Variants in ADGRB1 observed in about 807,000 individuals in gnomAD.
ADGRB1 encodes the protein adhesion G protein-coupled receptor B1, also known as brain-specific angiogenesis inhibitor 1.
In ADGRB1, 36 loss-of-function variants were observed where a neutral mutation model predicts 175.7. The ratio of observed to expected loss-of-function variants is 0.20; its 90% confidence interval spans 0.16 to 0.27. ADGRB1 has a LOEUF of 0.27. Among genes scored for constraint, ADGRB1 ranks in the 10% least tolerant of loss-of-function variants. The pLI is 1.00. For missense variants in ADGRB1, 1,731 were observed against 2,255.3 expected, an observed-to-expected ratio of 0.77 and a Z score of 4.71; for synonymous variants, 1,054 against 979.4, an observed-to-expected ratio of 1.08 and a Z score of -1.42.
At chr8:142,452,496 G>C (rs1839413057) in intron 1 of ADGRB1, among the ~76,000 whole-genome samples, 1 of 152,168 alleles carries the variant, frequency 6.6e-6, no homozygotes, top group Non-Finnish European at 1.5e-5. Context: ...CTCTCCCGCA[G>C]GCTCCGGCCC....
At chr8:142,462,625 G>C (rs918636373) in intron 1 of ADGRB1, among the ~76,000 whole-genome samples, 5 of 152,256 alleles carry the variant, frequency 3.3e-5, no homozygotes, top group Admixed American at 2.6e-4. Context: ...ACCTTGTCTT[G>C]CCAGCCAGCT....
At chr8:142,544,169 A>C in intron 30 of ADGRB1, 51 bp from the exon 31 acceptor site, 2 of 1,533,796 alleles carry the variant, frequency 1.3e-6, no homozygotes, top group Non-Finnish European at 8.8e-7. Context: ...CCTCGGGCTC[A>C]TGGCTCTCCC....
intron 2 of ADGRB1, among the ~76,000 whole-genome samples, chr8:142,473,356 T>G (rs1282335573): frequency 6.6e-6 from 1 of 152,172 alleles, no homozygotes; most frequent in Non-Finnish European, 1.5e-5. Flanking sequence ...GTGGGATGCC[T>G]TCAGCAGATG....
rs769664278 is a variant in ADGRB1, at chr8:142,478,284, C to T, written c.1485C>T (p.Asn495=). 8.1e-6 allele frequency: 13 copies of T among 1,610,624 alleles called. No homozygotes were observed. The highest frequency in any genetic ancestry group is 5.0e-5 in the Admixed American group (3 of 59,768). Residue 495 remains asparagine, a synonymous_variant, in exon 7 of 31, where the codon AAC becomes AAT. Coordinates refer to ENST00000517894, the MANE Select transcript of ADGRB1 (RefSeq NM_001702.3). ...QGRQQRTREC[N]GPSYGGAECQ... ...GACAGCAGCGCACGCGTGAATGCAA[C>T]GGGCCTTCCTACGGGGGTGCGGAGT...
intron 24 of ADGRB1, among the ~76,000 whole-genome samples, chr8:142,527,277 T>C (rs1844261935): frequency 6.6e-6 from 1 of 152,112 alleles, no homozygotes; most frequent in South Asian, 2.1e-4. Context: ...AAGCCCCTCT[T>C]GGTCCTCCCG....
intron 17 of ADGRB1, among the ~76,000 whole-genome samples, chr8:142,501,101 G>A (rs932185018): frequency 1.3e-5 from 2 of 152,364 alleles, no homozygotes; most frequent in South Asian, 2.1e-4. Flanking sequence ...TGGTTCTGAT[G>A]AGGCGATGGC....
At chr8:142,491,414 G>C (rs1482104479) in intron 17 of ADGRB1, among the ~76,000 whole-genome samples, 4 of 152,226 alleles carry the variant, frequency 2.6e-5, no homozygotes, top group Admixed American at 6.5e-5. Flanking sequence ...GCCATCTCGG[G>C]GCCCTGGTGG....
Position 142,489,404 on chromosome 8 carries a change from C to T in ADGRB1, c.2597C>T (p.Thr866Ile). The change falls in exon 16 of 31, where the codon ACA becomes ATA. Residue 866 changes from threonine (T) to isoleucine (I), a missense_variant. Physicochemically the swap from Thr to Ile is moderately conservative, Grantham distance 89. Around this residue, in one of 8 missense-constraint regions of ADGRB1, gnomAD observed 388 missense variants for 630.9 expected, o/e 0.61. Coordinates refer to ENST00000517894, the MANE Select transcript of ADGRB1 (RefSeq NM_001702.3). ...AAACCCCCGCCTCGCTCCCTGCGCACACCCTTGGAGATCGAGTTTGCCCAC... is the reference window on the plus strand; with the variant it reads ...AAACCCCCGCCTCGCTCCCTGCGCATACCCTTGGAGATCGAGTTTGCCCAC... Reference protein sequence around the residue: ...TVKPPPRSLRTPLEIEFAHMY... With the variant: ...TVKPPPRSLRIPLEIEFAHMY... 1.9e-6 allele frequency: 3 copies of T among 1,613,010 alleles called. No individual in the cohort carries two copies. The highest frequency in any genetic ancestry group is 2.5e-6 in the Non-Finnish European group (3 of 1,179,858).
At position 142,493,046 on chromosome 8, in the gene ADGRB1, G is replaced by A. The variant is rs1055412723; in HGVS notation, c.2675+2231G>A. 6.6e-6 allele frequency among the ~76,000 whole-genome samples: 1 copy of A among 152,080 alleles called. No homozygotes were observed. The highest frequency in any genetic ancestry group is 2.0e-4 in the East Asian group (1 of 5,094). ...AAATGCCAGCGTGACCAGCGATCTT[G>A]CGAGGACAGCTTCACCCGTACTTCT... On this transcript the variant is annotated intron_variant, in intron 17 of 30. Transcript: ENST00000517894. This position sits in a 1 kb window ranked among gnomAD's most constrained non-coding sequence, Gnocchi z 5.0.
At chr8:142,533,632 G>A (rs1214127192) in intron 25 of ADGRB1, among the ~76,000 whole-genome samples, 166 bp downstream of exon 25, 1 of 152,120 alleles carries the variant, frequency 6.6e-6, no homozygotes, top group Non-Finnish European at 1.5e-5. Context: ...GGGCCTGCAG[G>A]TGAGCGTGTC....
intron 1 of ADGRB1, among the ~76,000 whole-genome samples, chr8:142,450,490 C>A (rs1045926175): frequency 1.3e-5 from 2 of 152,174 alleles, no homozygotes; most frequent in South Asian, 2.1e-4. Flanking sequence ...ACCCCCAGCA[C>A]ACACAGACGC....
In ADGRB1 at chr8:142,455,622, C is replaced by G. The variant is rs1190341645; in HGVS notation, c.-220+5518C>G. ...GGGTGGACCTTGAGATGAGACAGAA[C>G]CTGTGTCCTGGTGCCTGTCCCCCAC... On this transcript the variant is annotated intron_variant, in intron 1 of 30. Transcript: ENST00000517894. This position sits in a 1 kb window ranked among gnomAD's most constrained non-coding sequence, Gnocchi z 4.9. Among the ~76,000 whole-genome samples, 1 of 152,176 alleles carries G rather than the reference C, an allele frequency of 6.6e-6. No individual in the cohort carries two copies. Among genetic ancestry groups the G allele is most frequent in the Non-Finnish European group, 1.5e-5 (1 of 68,034 alleles).
rs1841939495 is a variant in ADGRB1, at chr8:142,490,683, G to C, written c.2632-89G>C. 2.1e-6 allele frequency: 3 copies of C among 1,431,568 alleles called. No individual in the cohort carries two copies. The African/African-American group carries it at 4.3e-5, about 20-fold the overall frequency. The allele number at this position is 1,431,568 out of a possible 1,614,324, so 88.7% of individuals were successfully genotyped here. A position where few individuals can be genotyped will look rare whatever the true frequency, so the allele number is the denominator to read the frequency against. On this transcript the variant is annotated intron_variant, in intron 16 of 30. Coordinates refer to ENST00000517894, the MANE Select transcript of ADGRB1 (RefSeq NM_001702.3). ...ACCCGCACAGGTAGCATGCCTGGTA[G>C]CACACCTTTAGGTGGGTCCCATGGT...
At position 142,511,515 on chromosome 8, in the gene ADGRB1, A is replaced by T. The variant is rs930416436; in HGVS notation, c.2817+442A>T. On this transcript the variant is annotated intron_variant, in intron 18 of 30. Coordinates refer to ENST00000517894, the MANE Select transcript of ADGRB1 (RefSeq NM_001702.3). This position sits in a 1 kb window ranked among gnomAD's most constrained non-coding sequence, Gnocchi z 4.5. Reference sequence around the variant, plus strand: ...GCTGCCGCCTTGGCAGAGCCCTTCGACCCACCCCAAGTAGAGCCTGGTCCG... The same window carrying T: ...GCTGCCGCCTTGGCAGAGCCCTTCGTCCCACCCCAAGTAGAGCCTGGTCCG... Among the ~76,000 whole-genome samples the T allele has an allele frequency of 1.4e-4, 21 of 151,870 alleles. No homozygotes were observed. Among genetic ancestry groups the T allele is most frequent in the African/African-American group, 5.1e-4 (21 of 41,328 alleles).
chr8:142,538,722 G>A (rs753511377), intron 26 of ADGRB1, among the ~76,000 whole-genome samples: 2 of 152,190 alleles, frequency 1.3e-5, no homozygotes, highest in Non-Finnish European at 2.9e-5. Flanking sequence ...CTGTCAGCTT[G>A]GTGTGGCTGC....
Position 142,474,136 on chromosome 8 carries a change from G to C in ADGRB1, c.785-1338G>C, listed in dbSNP as rs757932745. 2.6e-5 allele frequency among the ~76,000 whole-genome samples: 4 copies of C among 152,272 alleles called. No individual in the cohort carries two copies. Among genetic ancestry groups the C allele is most frequent in the Admixed American group, 2.0e-4 (3 of 15,300 alleles). On this transcript the variant is annotated intron_variant, in intron 2 of 30. Transcript: ENST00000517894. The surrounding 1 kb of genome is among the most constrained non-coding windows in gnomAD (Gnocchi z 5.8). ...GAATCTGGCAGCTGGAGCTACCCTG[G>C]GGTCTCCTGCAGTCCACACTCCCAC...
chr8:142,452,882 G>C (rs1195389239), intron 1 of ADGRB1, among the ~76,000 whole-genome samples: 1 of 149,650 alleles, frequency 6.7e-6, no homozygotes, highest in Non-Finnish European at 1.5e-5. Context: ...GTGGCGGAAG[G>C]CGGAGGGCCG....
chr8:142,518,928 G>A (rs780031635), intron 19 of ADGRB1, among the ~76,000 whole-genome samples: 25 of 152,210 alleles, frequency 1.6e-4, no homozygotes, highest in Admixed American at 5.9e-4. Context: ...CAGGCAGCGC[G>A]ATGTCAGCCG....
intron 2 of ADGRB1, among the ~76,000 whole-genome samples, chr8:142,471,277 G>A (rs1244947272): frequency 1.3e-5 from 2 of 152,196 alleles, no homozygotes; most frequent in South Asian, 4.1e-4. Context: ...CACCTCCTCC[G>A]CTCAGAGCCA....
Sources: gnomAD v4.1 joint callset for allele counts (sites outside exome capture counted in the v4.1 genomes callset) on GRCh38, gnomAD v4.1.1 for gene constraint, gnomAD v4.1.1 regional missense constraint, Gnocchi (gnomAD v3.1) non-coding constraint, MANE v1.5 for transcripts, NCBI Gene and HGNC (gene_info 2026-07-23, HGNC 2026-07-21) for gene names.